Variants in NOS1 observed in about 807,000 individuals in gnomAD.
NOS1 encodes the protein NOS type I.
NOS1 carries 51 observed loss-of-function variants against 164.5 expected under a neutral mutation model. The ratio of observed to expected loss-of-function variants is 0.31; its 90% CI spans 0.25 to 0.39. NOS1 has a LOEUF of 0.39. Among genes scored for constraint, NOS1 ranks in the 10% least tolerant of loss-of-function variants. The pLI is 1.00. For synonymous variants in NOS1, 719 were observed against 745.8 expected, an observed-to-expected ratio of 0.96 and a Z score of 0.59; for missense variants, 1,362 against 1,885.6, an observed-to-expected ratio of 0.72 and a Z score of 5.14.
intron 23 of NOS1, among the ~76,000 whole-genome samples, chr12:117,227,092 G>A (rs562308108): frequency 4.8e-4 from 73 of 152,240 alleles, no homozygotes; most frequent in South Asian, 2.1e-3. Flanking sequence ...AAAATACAGG[G>A]CAGAGCTTGG....
chr12:117,345,024 T>G (rs1164143791), intron 1 of NOS1, among the ~76,000 whole-genome samples: 1 of 108,388 alleles, frequency 9.2e-6, no homozygotes, highest in Middle Eastern at 6.0e-3. Context: ...GCTTGGTTGC[T>G]TTCTTGCTTT....
At chr12:117,361,246 C>G (rs921529344) in intron 1 of NOS1, among the ~76,000 whole-genome samples, 1 of 152,058 alleles carries the variant, frequency 6.6e-6, no homozygotes, top group Non-Finnish European at 1.5e-5. Context: ...GTTCTGAATC[C>G]TCCGAGTCCG....
chr12:117,300,621 T>TG (rs907553875), intron 3 of NOS1, among the ~76,000 whole-genome samples: 4 of 152,026 alleles, frequency 2.6e-5, no homozygotes, highest in South Asian at 2.1e-4. Context: ...AGCATCTTGG[T>TG]GGGGGGTCTG....
At chr12:117,310,924 G>GTC (rs1313479127) in intron 3 of NOS1, among the ~76,000 whole-genome samples, 2 of 152,068 alleles carry the variant, frequency 1.3e-5, no homozygotes, top group Admixed American at 6.6e-5. Flanking sequence ...GGAGTGCAGT[G>GTC]GTGCAATCTC....
At chr12:117,287,780 A>G (rs1872804569) in intron 5 of NOS1, among the ~76,000 whole-genome samples, 1 of 152,224 alleles carries the variant, frequency 6.6e-6, no homozygotes, top group Non-Finnish European at 1.5e-5. Flanking sequence ...GCTATAAACA[A>G]TGTTTCAGTG....
At chr12:117,355,909 GCCA>G (rs1566089323) in intron 1 of NOS1, among the ~76,000 whole-genome samples, 1 of 152,032 alleles carries the variant, frequency 6.6e-6, no homozygotes, top group African/African-American at 2.4e-5. Flanking sequence ...ACAGGTGCAC[GCCA>G]CCACACCTGG....
intron 16 of NOS1, among the ~76,000 whole-genome samples, chr12:117,257,203 C>G (rs1871529983): frequency 6.6e-6 from 1 of 152,116 alleles, no homozygotes; most frequent in Non-Finnish European, 1.5e-5. Flanking sequence ...CCTGCCTCAG[C>G]CTCTGGAGTA....
intron 12 of NOS1, 48 bp from the exon 13 acceptor site, chr12:117,264,022 T>G: frequency 6.6e-7 from 1 of 1,509,222 alleles, no homozygotes; most frequent in Non-Finnish European, 9.2e-7. Context: ...AGTGAGGGCA[T>G]CTGGTTCCTG....
chr12:117,232,882 T>A (rs951286087), intron 21 of NOS1, among the ~76,000 whole-genome samples: 6 of 151,954 alleles, frequency 3.9e-5, no homozygotes, highest in Non-Finnish European at 7.4e-5. Flanking sequence ...ATTTATTTAT[T>A]TTTTTGAGAC....
intron 16 of NOS1, 132 bp from the exon 17 acceptor site, chr12:117,253,886 C>T: frequency 1.6e-6 from 1 of 644,108 alleles, no homozygotes; most frequent in Non-Finnish European, 2.8e-6. Context: ...AACCATAACA[C>T]TCCCATGGCC....
intron 2 of NOS1, among the ~76,000 whole-genome samples, chr12:117,322,494 C>G (rs1265007918): frequency 2.4e-5 from 3 of 125,482 alleles, no homozygotes; most frequent in African/African-American, 9.1e-5. Context: ...CCTTTCCTCT[C>G]TCCTTCTTCC....
chr12:117,286,171 T>C lies in NOS1; in HGVS notation c.1223A>G (p.Tyr408Cys). Residue 408 changes from tyrosine (Y) to cysteine (C), a missense_variant, in exon 6 of 29, where the codon TAT becomes TGT. This residue lies in a region of NOS1 where 129 missense variants were observed against 186.0 expected (regional missense o/e 0.69). Coordinates refer to ENST00000317775, the MANE Select transcript of NOS1 (RefSeq NM_000620.5). Reference sequence around the variant, plus strand: ...ATTCCGCCAGGCGTGCTTGGCCCCATAGATGAGCTCTGTGTCCTTGAGCTG... The same window carrying C: ...ATTCCGCCAGGCGTGCTTGGCCCCACAGATGAGCTCTGTGTCCTTGAGCTG... ...TYQLKDTELI[Y>C]GAKHAWRNAS... The C allele has an allele frequency of 6.2e-7, 1 of 1,614,192 alleles. No homozygotes were observed. Among genetic ancestry groups the C allele is most frequent in the Non-Finnish European group, 8.5e-7 (1 of 1,180,030 alleles).
At chr12:117,314,267 C>A (rs1204257554) in intron 2 of NOS1, among the ~76,000 whole-genome samples, 1 of 152,218 alleles carries the variant, frequency 6.6e-6, no homozygotes, top group Non-Finnish European at 1.5e-5. Context: ...AAGTCAACGG[C>A]TACCTACATG....
intron 27 of NOS1, among the ~76,000 whole-genome samples, chr12:117,218,859 C>T (rs529001832): frequency 2.2e-4 from 33 of 152,180 alleles, no homozygotes; most frequent in African/African-American, 6.3e-4. Context: ...AGAGAAAATG[C>T]ATCTCAATGC....
intron 14 of NOS1, among the ~76,000 whole-genome samples, chr12:117,260,127 AAAAAAAC>A (rs1318669641): frequency 6.3e-5 from 9 of 142,890 alleles, no homozygotes; most frequent in African/African-American, 1.8e-4. Context: ...TCAAAAAAAA[AAAAAAAC>A]AAAAAACAAA....
At chr12:117,360,731 T>C (rs1302386874) in intron 1 of NOS1, among the ~76,000 whole-genome samples, 1 of 152,156 alleles carries the variant, frequency 6.6e-6, no homozygotes, top group African/African-American at 2.4e-5. Flanking sequence ...GGCTCGCAGT[T>C]GCGATTCGGC....
chr12:117,263,824 TC>T, intron 13 of NOS1, 64 bp downstream of exon 13: 1 of 1,265,416 alleles, frequency 7.9e-7, no homozygotes, highest in South Asian at 1.2e-5. Flanking sequence ...CTGCCCAGCC[TC>T]CTTCTCTGGG....
At chr12:117,238,767 G>A (rs1345095021) in intron 20 of NOS1, among the ~76,000 whole-genome samples, 4 of 152,000 alleles carry the variant, frequency 2.6e-5, no homozygotes, top group Middle Eastern at 3.4e-3. Flanking sequence ...CGCCTGCCTC[G>A]GCCTCCCAAA....
chr12:117,329,270 C>A (rs761964698), intron 2 of NOS1, among the ~76,000 whole-genome samples: 3 of 152,170 alleles, frequency 2.0e-5, no homozygotes, highest in Non-Finnish European at 2.9e-5. Context: ...CACAGTAGGT[C>A]CTCAATGAAC....
Sources: allele counts gnomAD v4.1 joint callset (sites outside exome capture counted in the v4.1 genomes callset), GRCh38; gene constraint gnomAD v4.1.1; regional missense constraint gnomAD v4.1.1; transcripts MANE v1.5; gene names NCBI Gene and HGNC (gene_info 2026-07-23, HGNC 2026-07-21).